Variants in GPR176 observed in about 807,000 individuals in gnomAD.
GPR176 encodes the protein G-protein coupled receptor 176.
In GPR176, 26 loss-of-function variants were observed where a neutral mutation model predicts 35.4. The observed-to-expected ratio is 0.74, with a 90% confidence interval of 0.54 to 1.02. The LOEUF (loss-of-function observed/expected upper bound fraction) is 1.02, where lower values mean the gene tolerates loss of function less well. GPR176 is among the 50% of genes least tolerant of loss of function. The pLI is 0.00. For missense variants in GPR176, 597 were observed against 665.3 expected, an observed-to-expected ratio of 0.90 and a Z score of 1.13; for synonymous variants, 278 against 271.3, an observed-to-expected ratio of 1.02 and a Z score of -0.24.
chr15:39,895,292 A>AGGGAGG (rs1190032263), intron 1 of GPR176, among the ~76,000 whole-genome samples: 4 of 14,128 alleles, frequency 2.8e-4, no homozygotes, highest in Non-Finnish European at 4.0e-4. Flanking sequence ...GGAGAGGAAG[A>AGGGAGG]GGGGGAGGGG....
chr15:39,848,442 A>G (rs971219080), intron 1 of GPR176, among the ~76,000 whole-genome samples: 1 of 152,220 alleles, frequency 6.6e-6, no homozygotes, highest in Non-Finnish European at 1.5e-5. Context: ...GAAGAATTCC[A>G]TAACACCATC....
chr15:39,828,076 C>G (rs761474422), intron 1 of GPR176, among the ~76,000 whole-genome samples: 35 of 152,206 alleles, frequency 2.3e-4, no homozygotes, highest in Non-Finnish European at 4.0e-4. Flanking sequence ...CTTTCCACCC[C>G]TAGCTAGCCT....
At chr15:39,906,640 C>T (rs2033430309) in intron 1 of GPR176, among the ~76,000 whole-genome samples, 1 of 152,210 alleles carries the variant, frequency 6.6e-6, no homozygotes, top group Non-Finnish European at 1.5e-5. Context: ...CCTTCTGCCC[C>T]TGTGGATTTC....
At chr15:39,908,105 C>T (rs1393256690) in intron 1 of GPR176, among the ~76,000 whole-genome samples, 1 of 152,224 alleles carries the variant, frequency 6.6e-6, no homozygotes, top group Non-Finnish European at 1.5e-5. Flanking sequence ...AGTAAAATCT[C>T]CCCTGGACCT....
In GPR176 at chr15:39,801,420, GGGCGCAAACTGT is replaced by G. The variant is rs766768095; in HGVS notation, c.1248_1259del (p.Gln417_Pro420del). The G allele has an allele frequency of 1.2e-6, 2 of 1,614,212 alleles. No homozygotes were observed. The highest frequency in any genetic ancestry group is 3.3e-5 in the Admixed American group (2 of 60,036). On this transcript the variant is annotated inframe_deletion, in exon 3 of 3. Coordinates refer to ENST00000561100, the MANE Select transcript of GPR176 (RefSeq NM_007223.3). ...CCACTGTGCTCAGGGGTGGGGCAGA[GGGCGCAAACTGT>G]GGCCCCTGCTCTCCCTCCAGGCAGG...
At chr15:39,838,791 C>T (rs759227237) in intron 1 of GPR176, among the ~76,000 whole-genome samples, 10 of 152,178 alleles carry the variant, frequency 6.6e-5, no homozygotes, top group Non-Finnish European at 1.3e-4. Flanking sequence ...GATGCCCTCT[C>T]TCACCACTCC....
At chr15:39,859,356 T>C (rs2031444819) in intron 1 of GPR176, among the ~76,000 whole-genome samples, 1 of 152,070 alleles carries the variant, frequency 6.6e-6, no homozygotes, top group Non-Finnish European at 1.5e-5. Flanking sequence ...AGGACTTGTG[T>C]AGACATTTCT....
At chr15:39,832,697 T>A (rs1221800277) in intron 1 of GPR176, among the ~76,000 whole-genome samples, 1 of 98,362 alleles carries the variant, frequency 1.0e-5, no homozygotes, top group Non-Finnish European at 2.6e-5. Flanking sequence ...ACAAATCTTA[T>A]AATGTCTTAA....
At chr15:39,830,203 T>G (rs1426331777) in intron 1 of GPR176, among the ~76,000 whole-genome samples, 1 of 152,180 alleles carries the variant, frequency 6.6e-6, no homozygotes, top group East Asian at 1.9e-4. Flanking sequence ...CAATGAGCTG[T>G]GTATAAGAGA....
intron 1 of GPR176, among the ~76,000 whole-genome samples, chr15:39,824,912 A>C (rs970986757): frequency 1.3e-5 from 2 of 152,150 alleles, no homozygotes; most frequent in Admixed American, 1.3e-4. Context: ...GTTTACTGTT[A>C]CAATGGTTCA....
chr15:39,910,021 A>G (rs2033534124), intron 1 of GPR176: 1 of 221,188 alleles, frequency 4.5e-6, no homozygotes, highest in African/African-American at 2.3e-5. Context: ...AAGAACGCTG[A>G]TGAATACAGG....
chr15:39,871,033 C>G (rs941616050), intron 1 of GPR176, among the ~76,000 whole-genome samples: 3 of 152,180 alleles, frequency 2.0e-5, no homozygotes, highest in Admixed American at 6.5e-5. Flanking sequence ...TTACCCATGA[C>G]AGAATCCTGG....
chr15:39,831,491 T>G (rs564300658), intron 1 of GPR176, among the ~76,000 whole-genome samples: 1 of 152,140 alleles, frequency 6.6e-6, no homozygotes, highest in Non-Finnish European at 1.5e-5. Context: ...AATCCATTGT[T>G]GGTTTCCTAC....
At chr15:39,885,598 CAATCTTTATTTCAG>C (rs138083419) in intron 1 of GPR176, among the ~76,000 whole-genome samples, 13,257 of 152,200 alleles carry the variant, frequency 0.087, 958 homozygotes, top group Admixed American at 0.21. Flanking sequence ...AGGTATGAAG[CAATCTTTATTTCAG>C]AATCTTTATT....
In GPR176 at chr15:39,800,936, T is replaced by C; in HGVS notation, c.*196A>G. On this transcript the variant is annotated 3_prime_UTR_variant, in exon 3 of 3. Transcript: ENST00000561100. ...TAAGGACATGGATCACTGAGATGGA[T>C]ACATATACTCCCTCAATAAAGAGGA... 1.8e-6 allele frequency: 1 copy of C among 566,130 alleles called. No individual in the cohort carries two copies. The highest frequency in any genetic ancestry group is 3.1e-6 in the Non-Finnish European group (1 of 318,406). The allele number at this position is 566,130 out of a possible 1,614,324, so 35.1% of individuals were successfully genotyped here. A position where few individuals can be genotyped will look rare whatever the true frequency, so the allele number is the denominator to read the frequency against.
At chr15:39,824,461 T>G (rs1900491781) in intron 1 of GPR176, among the ~76,000 whole-genome samples, 1 of 152,212 alleles carries the variant, frequency 6.6e-6, no homozygotes, top group Admixed American at 6.5e-5. Flanking sequence ...GAACCACCAA[T>G]GCACATCAGG....
intron 1 of GPR176, among the ~76,000 whole-genome samples, chr15:39,859,410 T>C (rs954580818): frequency 5.3e-5 from 8 of 150,430 alleles, no homozygotes; most frequent in Admixed American, 2.7e-4. Flanking sequence ...TAAAAAGATG[T>C]CCAACACCAC....
At chr15:39,857,278 A>T (rs1011126538) in intron 1 of GPR176, among the ~76,000 whole-genome samples, 1 of 152,170 alleles carries the variant, frequency 6.6e-6, no homozygotes, top group Non-Finnish European at 1.5e-5. Flanking sequence ...CATTAACCCA[A>T]CCCTTACTTC....
At chr15:39,879,267 G>A (rs914676415) in intron 1 of GPR176, among the ~76,000 whole-genome samples, 1 of 152,176 alleles carries the variant, frequency 6.6e-6, no homozygotes, top group Non-Finnish European at 1.5e-5. Flanking sequence ...TCCCTGTCCA[G>A]TACTAAAACC....
Sources: allele counts gnomAD v4.1 joint callset (sites outside exome capture counted in the v4.1 genomes callset), GRCh38; gene constraint gnomAD v4.1.1; transcripts MANE v1.5; gene names NCBI Gene and HGNC (gene_info 2026-07-23, HGNC 2026-07-21).